MMRN1: variants seen among roughly 807,000 people sequenced by gnomAD.
MMRN1 encodes multimerin 1, also known as multimerin-1.
A neutral mutation model predicts 100.7 loss-of-function variants in MMRN1; 94 were observed. That is an observed-to-expected ratio of 0.93 (90% CI 0.79 to 1.11). The LOEUF (loss-of-function observed/expected upper bound fraction) is 1.11, where lower values mean the gene tolerates loss of function less well. MMRN1 is among the 50% of genes least tolerant of loss of function. The probability of loss-of-function intolerance (pLI) is 0.00; values close to 1 mark genes in which losing one functional copy is unlikely to be tolerated. For missense variants in MMRN1, 1,606 were observed against 1,439.1 expected (o/e 1.12, Z -1.88); for synonymous variants, 575 against 505.0 (o/e 1.14, Z -1.86).
At chr4:89,893,092 C>T (rs568875943), upstream of MMRN1, among the ~76,000 whole-genome samples, 3 of 152,078 alleles carry the variant, frequency 2.0e-5, no homozygotes, top group East Asian at 5.8e-4. Context: ...TTTCTTTCTA[C>T]TGAAAACCAT....
chr4:89,885,773 C>T (rs1037204578), intron 1 of MMRN1, among the ~76,000 whole-genome samples: 53 of 151,944 alleles, frequency 3.5e-4, no homozygotes, highest in African/African-American at 1.2e-3. Flanking sequence ...TATCTCTTCT[C>T]GCTTGTTTTT....
rs778903851 is a variant in MMRN1 at position 89,951,651 on chromosome 4, G to A, written c.3165G>A (p.Thr1055=). ...GGCATCCGTGCCAAAATGGGGGCAC[G>A]TGCATAAATGGAAGAACTAGCTTTA... ...CSRHPCQNGG[T]CINGRTSFTC... is the part of the protein sequence containing the mutation. The change falls in exon 7 of 8, where the codon ACG becomes ACA. Residue 1055 remains threonine (T), a synonymous_variant. Transcript: ENST00000264790. 1.0e-5 allele frequency: 16 copies of A among 1,567,238 alleles called. 1 individual carries two copies. Among genetic ancestry groups the A allele is most frequent in the Middle Eastern group, 3.4e-4 (2 of 5,834 alleles).
At chr4:89,925,441 A>G (rs1319064208) in intron 4 of MMRN1, among the ~76,000 whole-genome samples, 1 of 146,518 alleles carries the variant, frequency 6.8e-6, no homozygotes, top group Non-Finnish European at 1.5e-5. Context: ...AGCCACTGTG[A>G]CTTAGTCTCT....
At chr4:89,940,755 A>G (rs772134299) in intron 6 of MMRN1, among the ~76,000 whole-genome samples, 1 of 152,202 alleles carries the variant, frequency 6.6e-6, no homozygotes, top group Non-Finnish European at 1.5e-5. Flanking sequence ...AGTTATTACT[A>G]TATGATGCAA....
intron 4 of MMRN1, among the ~76,000 whole-genome samples, chr4:89,925,602 C>T (rs868455557): frequency 5.3e-5 from 8 of 151,574 alleles, no homozygotes; most frequent in Admixed American, 2.0e-4. Flanking sequence ...GAGGCCAAGG[C>T]GGGTGGATCA....
In MMRN1 at chr4:89,909,347, C is replaced by T. The variant is rs756050037; in HGVS notation, c.695C>T (p.Pro232Leu). ...TTGGACAACCAGGTCACTTATGTCC[C>T]AGGTGGGAAAGGACCTTGTGGCTGG... is the stretch of plus-strand genomic sequence containing the variant. ...VILDNQVTYV[P>L]GGKGPCGWTG... The change falls in exon 2 of 8, where the codon CCA becomes CTA. Residue 232 changes from proline to leucine, a missense_variant. Physicochemically the swap from Pro to Leu is moderately conservative, Grantham distance 98. Coordinates refer to ENST00000264790, the MANE Select transcript of MMRN1 (RefSeq NM_007351.3). 1.9e-6 allele frequency: 3 copies of T among 1,609,992 alleles called. No individual in the cohort carries two copies. The highest frequency in any genetic ancestry group is 3.4e-5 in the Admixed American group (2 of 59,656).
Position 89,935,101 on chromosome 4 carries a change from G to A in MMRN1, c.1421G>A (p.Cys474Tyr). The A allele has an allele frequency of 6.2e-7, 1 of 1,613,726 alleles. No individual in the cohort carries two copies. The highest frequency in any genetic ancestry group is 8.5e-7 in the Non-Finnish European group (1 of 1,179,776). The change falls in exon 6 of 8, where the codon TGT becomes TAT. Residue 474 changes from cysteine to tyrosine, a missense_variant. Coordinates refer to ENST00000264790, the MANE Select transcript of MMRN1 (RefSeq NM_007351.3). ...VNVRQEMTLT[C>Y]EKPIKELEVK... ...GTAAGGCAAGAAATGACTCTTACAT[G>A]TGAGAAGCCTATTAAAGAACTAGAA...
chr4:89,885,840 T>C (rs1021702248), intron 1 of MMRN1, among the ~76,000 whole-genome samples: 6 of 152,102 alleles, frequency 3.9e-5, no homozygotes, highest in Admixed American at 2.0e-4. Context: ...AAAAATCAAC[T>C]CCAAAAATTA....
intron 1 of MMRN1, among the ~76,000 whole-genome samples, chr4:89,907,784 G>T (rs939018789): frequency 6.8e-6 from 1 of 147,816 alleles, no homozygotes; most frequent in African/African-American, 2.5e-5. Flanking sequence ...TTGTTTTAAA[G>T]TCATGGGTTG....
chr4:89,921,856 G>A (rs1722100576), intron 3 of MMRN1, among the ~76,000 whole-genome samples: 1 of 152,096 alleles, frequency 6.6e-6, no homozygotes. Context: ...GAGTAGAGAA[G>A]CTTAAGTATT....
intron 1 of MMRN1, among the ~76,000 whole-genome samples, chr4:89,886,655 T>C (rs1365387004): frequency 2.6e-5 from 4 of 152,162 alleles, no homozygotes; most frequent in African/African-American, 4.8e-5. Flanking sequence ...TGATATTAGA[T>C]TTATCCATTT....
At chr4:89,897,189 C>A (rs1489751824) in intron 1 of MMRN1, among the ~76,000 whole-genome samples, 2 of 151,496 alleles carry the variant, frequency 1.3e-5, no homozygotes, top group Admixed American at 1.3e-4. Context: ...CGATTGTGAG[C>A]TTTTCAGAGA....
chr4:89,927,758 AT>A (rs767735849), intron 4 of MMRN1, 36 bp from the exon 5 acceptor site: 53 of 1,578,838 alleles, frequency 3.4e-5, no homozygotes, highest in Non-Finnish European at 4.3e-5. Flanking sequence ...GTCAAAATAT[AT>A]TTTTTAATGG....
intron 1 of MMRN1, among the ~76,000 whole-genome samples, chr4:89,888,392 A>G (rs1428868984): frequency 6.6e-6 from 1 of 150,810 alleles, no homozygotes; most frequent in African/African-American, 2.4e-5. Context: ...CATCTATCTG[A>G]CTTAATGAAA....
Position 89,935,198 on chromosome 4 carries a change from C to T in MMRN1, c.1518C>T (p.Leu506=), listed in dbSNP as rs1722569337. ...GAAGCATTCTGTATTATGAATCCCT[C>T]AATAAAACTCTTTCTAAATTGAAGG... ...HSRSILYYES[L]NKTLSKLKEV... is the part of the protein sequence containing the mutation. Residue 506 remains leucine (L), a synonymous_variant, in exon 6 of 8, where the codon CTC becomes CTT. Coordinates refer to ENST00000264790, the MANE Select transcript of MMRN1 (RefSeq NM_007351.3). 6.8e-6 allele frequency: 11 copies of T among 1,613,108 alleles called. No individual in the cohort carries two copies. The highest frequency in any genetic ancestry group is 7.6e-6 in the Non-Finnish European group (9 of 1,179,644).
chr4:89,900,363 T>A (rs1721345595), intron 1 of MMRN1, among the ~76,000 whole-genome samples: 1 of 152,096 alleles, frequency 6.6e-6, no homozygotes, highest in Non-Finnish European at 1.5e-5. Context: ...AAAGGAAACT[T>A]TTTTTGCTCT....
intron 1 of MMRN1, among the ~76,000 whole-genome samples, chr4:89,883,656 A>T (rs1017560306): frequency 1.3e-5 from 2 of 152,118 alleles, no homozygotes; most frequent in South Asian, 4.1e-4. Context: ...ATTTGTTCAA[A>T]TATCTAAATT....
chr4:89,913,735 C>T (rs974775358), intron 3 of MMRN1, among the ~76,000 whole-genome samples: 7 of 151,082 alleles, frequency 4.6e-5, no homozygotes, highest in Admixed American at 3.3e-4. Context: ...TATTAATTTC[C>T]AGTGGCAAAA....
rs756930007 is a variant in MMRN1, at chr4:89,936,502, T to G, written c.2822T>G (p.Leu941Arg). 1 of 1,613,330 alleles carries G rather than the reference T, an allele frequency of 6.2e-7. No individual in the cohort carries two copies. Among genetic ancestry groups the G allele is most frequent in the African/African-American group, 1.3e-5 (1 of 75,046 alleles). Reference protein sequence around the residue: ...CHNASTSVSELNATIPKWIKH... With the variant: ...CHNASTSVSERNATIPKWIKH... ...AATGCTTCTACAAGTGTGTCAGAACTGAATGCTACCATCCCTAAGTGGATA... is the reference window on the plus strand; with the variant it reads ...AATGCTTCTACAAGTGTGTCAGAACGGAATGCTACCATCCCTAAGTGGATA... The change falls in exon 6 of 8, where the codon CTG becomes CGG. Residue 941 changes from leucine (L) to arginine (R), a missense_variant. Leu to Arg is a moderately radical substitution (Grantham distance 102). Coordinates refer to ENST00000264790, the MANE Select transcript of MMRN1 (RefSeq NM_007351.3).
Sources: allele counts gnomAD v4.1 joint callset (sites outside exome capture counted in the v4.1 genomes callset), GRCh38; gene constraint gnomAD v4.1.1; transcripts MANE v1.5; gene names NCBI Gene and HGNC (gene_info 2026-07-23, HGNC 2026-07-21).